Variants in NBEAL1 observed in about 807,000 individuals in gnomAD.
The protein encoded by NBEAL1 is neurobeachin-like protein 1.
In NBEAL1, 273 loss-of-function variants were observed where a neutral mutation model predicts 351.3. That is an observed-to-expected ratio of 0.78 (90% confidence interval 0.70 to 0.86). NBEAL1 has a LOEUF of 0.86. Among genes scored for constraint, NBEAL1 ranks in the 40% least tolerant of loss-of-function variants. The probability of loss-of-function intolerance (pLI) is 0.00; values close to 1 mark genes in which losing one functional copy is unlikely to be tolerated. For synonymous variants in NBEAL1, 1,050 were observed against 1,086.4 expected, an observed-to-expected ratio of 0.97 and a Z score of 0.66; for missense variants, 2,961 against 3,201.3, an observed-to-expected ratio of 0.92 and a Z score of 1.81.
chr2:203,160,811 G>GTT (rs1440065209), intron 36 of NBEAL1, among the ~76,000 whole-genome samples: 1 of 151,952 alleles, frequency 6.6e-6, no homozygotes, highest in Non-Finnish European at 1.5e-5. Context: ...TTTTTGTTTT[G>GTT]TTTTTTGTTG....
At chr2:203,166,014 T>C in intron 36 of NBEAL1, 135 bp from the exon 37 acceptor site, 1 of 763,386 alleles carries the variant, frequency 1.3e-6, no homozygotes, top group Non-Finnish European at 1.9e-6. Flanking sequence ...GCCACTGCAC[T>C]CCAGCCTGGG....
chr2:203,035,481 TG>T (rs1214992433), intron 2 of NBEAL1, among the ~76,000 whole-genome samples: 1 of 149,586 alleles, frequency 6.7e-6, no homozygotes, highest in Non-Finnish European at 1.5e-5. Flanking sequence ...AACTTGATTT[TG>T]TAATTATTTT....
At chr2:203,039,901 G>A (rs1465571676) in intron 2 of NBEAL1, among the ~76,000 whole-genome samples, 1 of 152,022 alleles carries the variant, frequency 6.6e-6, no homozygotes, top group African/African-American at 2.4e-5. Flanking sequence ...CTGTATTCTG[G>A]GGAAGTGACA....
At chr2:203,191,437 C>T (rs2105780973) in intron 46 of NBEAL1, 1 of 556,582 alleles carries the variant, frequency 1.8e-6, no homozygotes, top group East Asian at 2.9e-5. Flanking sequence ...TCATTATCTT[C>T]CTGATGACAC....
chr2:203,168,634 G>A (rs1311094918), intron 38 of NBEAL1, among the ~76,000 whole-genome samples: 4 of 151,924 alleles, frequency 2.6e-5, no homozygotes, highest in Non-Finnish European at 4.4e-5. Flanking sequence ...GATAGCTCAC[G>A]CCTATAGTCC....
At chr2:203,106,111 T>C (rs2062431754) in intron 12 of NBEAL1, among the ~76,000 whole-genome samples, 1 of 152,224 alleles carries the variant, frequency 6.6e-6, no homozygotes, top group Non-Finnish European at 1.5e-5. Context: ...TTCTGTCCAG[T>C]TATACTGGTA....
At chr2:203,043,646 T>C (rs1269321751) in intron 3 of NBEAL1, among the ~76,000 whole-genome samples, 1 of 151,610 alleles carries the variant, frequency 6.6e-6, no homozygotes, top group East Asian at 1.9e-4. Flanking sequence ...GGAGGATCAA[T>C]TTGGCCCAGA....
At chr2:203,104,968 A>G (rs1574974560) in intron 12 of NBEAL1, among the ~76,000 whole-genome samples, 1 of 150,778 alleles carries the variant, frequency 6.6e-6, no homozygotes, top group African/African-American at 2.4e-5. Flanking sequence ...CAAGCAATTC[A>G]CCTGCCTCAG....
intron 31 of NBEAL1, among the ~76,000 whole-genome samples, chr2:203,140,349 A>G (rs72934573): frequency 0.092 from 14,037 of 152,078 alleles, 758 homozygotes; most frequent in Non-Finnish European, 0.13. Flanking sequence ...GAAAAAATAA[A>G]TAATTCAGCA....
chr2:203,151,192 G>A (rs772294912), intron 34 of NBEAL1, among the ~76,000 whole-genome samples: 2 of 152,064 alleles, frequency 1.3e-5, no homozygotes, highest in African/African-American at 2.4e-5. Context: ...TTAGCTGGGC[G>A]TAGGGGCACA....
intron 3 of NBEAL1, among the ~76,000 whole-genome samples, chr2:203,047,259 A>T (rs1044632858): frequency 6.6e-6 from 1 of 152,116 alleles, no homozygotes; most frequent in South Asian, 2.1e-4. Flanking sequence ...AAACAAACAC[A>T]TACAAGTAGA....
At chr2:203,035,220 T>G (rs1368719969) in intron 2 of NBEAL1, among the ~76,000 whole-genome samples, 1 of 149,262 alleles carries the variant, frequency 6.7e-6, no homozygotes, top group Non-Finnish European at 1.5e-5. Flanking sequence ...ATGTGACTAG[T>G]GGCCCCCATA....
chr2:203,069,695 G>A (rs911292390), intron 7 of NBEAL1, among the ~76,000 whole-genome samples: 2 of 152,294 alleles, frequency 1.3e-5, no homozygotes, highest in Middle Eastern at 3.4e-3. Context: ...TCATTCTGTT[G>A]CTCAGGCTGG....
At chr2:203,160,378 G>T (rs1199418368) in intron 36 of NBEAL1, among the ~76,000 whole-genome samples, 1 of 152,132 alleles carries the variant, frequency 6.6e-6, no homozygotes, top group Non-Finnish European at 1.5e-5. Context: ...ACCACGCCCG[G>T]CCTGGTTCTT....
intron 33 of NBEAL1, among the ~76,000 whole-genome samples, chr2:203,147,801 A>G (rs927544624): frequency 1.1e-4 from 16 of 151,998 alleles, no homozygotes; most frequent in Non-Finnish European, 1.9e-4. Context: ...TTTTGTGGCT[A>G]TCCAAGAAGA....
intron 34 of NBEAL1, 81 bp downstream of exon 34, chr2:203,149,229 A>G: frequency 1.0e-6 from 1 of 953,692 alleles, no homozygotes; most frequent in Non-Finnish European, 1.5e-6. Context: ...GCCCCCTTTC[A>G]CTCCAATTTC....
chr2:203,095,991 A>G (rs2062176223), intron 10 of NBEAL1, among the ~76,000 whole-genome samples: 3 of 152,088 alleles, frequency 2.0e-5, no homozygotes, highest in Admixed American at 6.5e-5. Flanking sequence ...TCCTGACCTC[A>G]GGTGATCCGC....
intron 8 of NBEAL1, among the ~76,000 whole-genome samples, chr2:203,079,504 G>A (rs2106156496): frequency 6.6e-6 from 1 of 152,194 alleles, no homozygotes; most frequent in South Asian, 2.1e-4. Flanking sequence ...TTCCATCCAA[G>A]TTTATAAATC....
At chr2:203,098,246 A>G (rs1028945877) in intron 11 of NBEAL1, among the ~76,000 whole-genome samples, 5 of 152,184 alleles carry the variant, frequency 3.3e-5, no homozygotes, top group African/African-American at 9.6e-5. Flanking sequence ...TTAAAAATTG[A>G]CGTTATTTTT....
Sources: gnomAD v4.1 joint callset for allele counts (sites outside exome capture counted in the v4.1 genomes callset) on GRCh38, gnomAD v4.1.1 for gene constraint, MANE v1.5 for transcripts, NCBI Gene and HGNC (gene_info 2026-07-23, HGNC 2026-07-21) for gene names.